MAP2K6: variants seen among roughly 807,000 people sequenced by gnomAD.
MAP2K6 encodes the protein mitogen-activated protein kinase kinase 6.
Under a neutral mutation model 53.7 loss-of-function variants are expected in MAP2K6, and 16 were observed. That is an observed-to-expected ratio of 0.30 (90% CI 0.20 to 0.45). The LOEUF (loss-of-function observed/expected upper bound fraction) is 0.45, where lower values mean the gene tolerates loss of function less well. Among genes scored for constraint, MAP2K6 ranks in the 20% least tolerant of loss-of-function variants. MAP2K6 has a pLI of 1.00. For synonymous variants in MAP2K6, 132 were observed against 143.1 expected (o/e 0.92, Z 0.55); for missense variants, 204 against 411.9 (o/e 0.50, Z 4.37).
chr17:69,541,944 T>C lies in MAP2K6; in HGVS notation c.*191T>C. 2.4e-6 allele frequency: 1 copy of C among 414,526 alleles called. No homozygotes were observed. Among genetic ancestry groups the C allele is most frequent in the Non-Finnish European group, 4.6e-6 (1 of 218,954 alleles). The allele number at this position is 414,526 out of a possible 1,614,324, so 25.7% of individuals were successfully genotyped here. ...TTGGAATCTATAGTATAGAATGAACTGTCTAGATGGATGAATTATGATAAA... is the reference window on the plus strand; with the variant it reads ...TTGGAATCTATAGTATAGAATGAACCGTCTAGATGGATGAATTATGATAAA... On this transcript the variant is annotated 3_prime_UTR_variant, in exon 12 of 12. Coordinates refer to ENST00000590474, the MANE Select transcript of MAP2K6 (RefSeq NM_002758.4).
At position 69,523,617 on chromosome 17, in the gene MAP2K6, T is replaced by A; in HGVS notation, c.639T>A (p.Asp213Glu). ...TGGACTCTGTTGCTAAAACAATTGA[T>A]GCAGGTTGCAAACCATACATGGCCG... is the stretch of plus-strand genomic sequence containing the variant. ...YLVDSVAKTI[D>E]AGCKPYMAPE... The change falls in exon 8 of 12, where the codon GAT becomes GAA. Residue 213 changes from aspartate to glutamate, a missense_variant. This residue lies in a region of MAP2K6 where 28 missense variants were observed against 102.5 expected (regional missense o/e 0.27). Transcript: ENST00000590474. 6.2e-7 allele frequency: 1 copy of A among 1,614,108 alleles called. No homozygotes were observed. The highest frequency in any genetic ancestry group is 8.5e-7 in the Non-Finnish European group (1 of 1,179,968).
intron 11 of MAP2K6, among the ~76,000 whole-genome samples, chr17:69,536,938 C>T (rs760023907): frequency 2.2e-4 from 34 of 151,930 alleles, no homozygotes; most frequent in Non-Finnish European, 4.3e-4. Context: ...AAAAATTAGC[C>T]GGGCATGGTG....
chr17:69,541,146 C>T (rs1911601768), intron 11 of MAP2K6, among the ~76,000 whole-genome samples: 1 of 152,102 alleles, frequency 6.6e-6, no homozygotes, highest in Admixed American at 6.6e-5. Flanking sequence ...ACCTGTAATC[C>T]CAGCTACTCG....
At position 69,550,537 on chromosome 17, in the gene MAP2K6, C is replaced by T. The variant is rs1010852876; in HGVS notation, c.*8784C>T. 6.6e-6 allele frequency: 1 copy of T among 152,174 alleles called. No homozygotes were observed. Among genetic ancestry groups the T allele is most frequent in the Non-Finnish European group, 1.5e-5 (1 of 68,036 alleles). The allele number at this position is 152,174 out of a possible 1,614,324, so 9.4% of individuals were successfully genotyped here. A position where few individuals can be genotyped will look rare whatever the true frequency, so the allele number is the denominator to read the frequency against. ...GAAAGCTAGTTTGAAGTTTCAGAAG[C>T]CATGAATTATGGGGAAGGAGTAGTT... is the stretch of plus-strand genomic sequence containing the variant. On this transcript the variant is annotated 3_prime_UTR_variant, in exon 12 of 12. Transcript: ENST00000590474.
Position 69,445,725 on chromosome 17 carries a change from C to T in MAP2K6, c.16+30725C>T, listed in dbSNP as rs573860621. 2.0e-5 allele frequency among the ~76,000 whole-genome samples: 3 copies of T among 152,048 alleles called. No homozygotes were observed. In the South Asian group the frequency reaches 6.2e-4, roughly 32 times the overall value. ...CTCTTTGGGTAACAATGAATTGTTT[C>T]TAAAGCCTGCGTCATTAAGAATACT... On this transcript the variant is annotated intron_variant, in intron 1 of 11. Coordinates refer to ENST00000590474, the MANE Select transcript of MAP2K6 (RefSeq NM_002758.4).
intron 1 of MAP2K6, among the ~76,000 whole-genome samples, chr17:69,469,652 A>G (rs1598277497): frequency 6.6e-6 from 1 of 151,996 alleles, no homozygotes; most frequent in African/African-American, 2.4e-5. Context: ...AATCCCAGCT[A>G]TTTGGGAGGC....
At chr17:69,526,961 G>T (rs958974867) in intron 10 of MAP2K6, among the ~76,000 whole-genome samples, 2 of 152,162 alleles carry the variant, frequency 1.3e-5, no homozygotes, top group South Asian at 2.1e-4. Context: ...AGAGATAGGG[G>T]CATAGGCGAT....
chr17:69,414,958 C>T lies in MAP2K6; in HGVS notation c.-27C>T, dbSNP rs571036995. On this transcript the variant is annotated 5_prime_UTR_variant, in exon 1 of 12. Transcript: ENST00000590474. ...AAGCAAGGCAAAGTCTTTTGTGCTC[C>T]CCTCCCCCATCAAAGGAAAGGGGAA... 1.0e-5 allele frequency: 16 copies of T among 1,544,016 alleles called. No homozygotes were observed. Among genetic ancestry groups the T allele is most frequent in the Middle Eastern group, 3.4e-4 (2 of 5,964 alleles).
At chr17:69,536,304 A>G in intron 11 of MAP2K6, 144 bp downstream of exon 11, 1 of 660,976 alleles carries the variant, frequency 1.5e-6, no homozygotes, top group South Asian at 1.8e-5. Context: ...TCCAGGAAAG[A>G]GAGTTAAAGA....
intron 1 of MAP2K6, among the ~76,000 whole-genome samples, chr17:69,451,176 A>G (rs1907212916): frequency 6.6e-6 from 1 of 152,234 alleles, no homozygotes; most frequent in African/African-American, 2.4e-5. Context: ...AGGGGCTATC[A>G]GTGGTGTGCT....
Position 69,553,771 on chromosome 17 carries a change from A to G in MAP2K6, c.*12018A>G, listed in dbSNP as rs1912189761. On this transcript the variant is annotated 3_prime_UTR_variant, in exon 12 of 12. Coordinates refer to ENST00000590474, the MANE Select transcript of MAP2K6 (RefSeq NM_002758.4). ...GGCTTTCATAGCTGGGACAAGTAAC[A>G]TTAAGTATTCAGGAGCAAAGTGTTC... 3.3e-5 allele frequency: 5 copies of G among 152,250 alleles called. No homozygotes were observed. Among genetic ancestry groups the G allele is most frequent in the Admixed American group, 3.3e-4 (5 of 15,280 alleles). 9.4% of individuals were successfully genotyped at this position (152,250 alleles called of 1,614,324 possible). A position where few individuals can be genotyped will look rare whatever the true frequency, so the allele number is the denominator to read the frequency against.
chr17:69,452,522 CAT>C (rs1399413727), intron 1 of MAP2K6, among the ~76,000 whole-genome samples: 1 of 152,168 alleles, frequency 6.6e-6, no homozygotes, highest in Non-Finnish European at 1.5e-5. Context: ...CTACCTGCCT[CAT>C]AGGAAAATTT....
Position 69,544,076 on chromosome 17 carries a change from T to C in MAP2K6, c.*2323T>C, listed in dbSNP as rs1911780675. 6.6e-6 allele frequency: 1 copy of C among 152,220 alleles called. No homozygotes were observed. Among genetic ancestry groups the C allele is most frequent in the Non-Finnish European group, 1.5e-5 (1 of 68,046 alleles). 9.4% of individuals were successfully genotyped at this position (152,220 alleles called of 1,614,324 possible). A position where few individuals can be genotyped will look rare whatever the true frequency, so the allele number is the denominator to read the frequency against. On this transcript the variant is annotated 3_prime_UTR_variant, in exon 12 of 12. Transcript: ENST00000590474. Reference sequence around the variant, plus strand: ...GATGTGAAGCTGGGTTCAGAACACTTATCTAGTACCTTCTAAAGAGAACTG... The same window carrying C: ...GATGTGAAGCTGGGTTCAGAACACTCATCTAGTACCTTCTAAAGAGAACTG...
chr17:69,528,745 G>A (rs964811256), intron 10 of MAP2K6, among the ~76,000 whole-genome samples: 1 of 151,086 alleles, frequency 6.6e-6, no homozygotes, highest in Non-Finnish European at 1.5e-5. Flanking sequence ...TGTAGTCCCA[G>A]CTACTCGGGA....
At chr17:69,539,750 C>G (rs1911522720) in intron 11 of MAP2K6, among the ~76,000 whole-genome samples, 1 of 152,144 alleles carries the variant, frequency 6.6e-6, no homozygotes, top group Non-Finnish European at 1.5e-5. Flanking sequence ...CCAAGATAAT[C>G]TGAGGTTTGG....
At chr17:69,479,936 A>G (rs1412805662) in intron 1 of MAP2K6, among the ~76,000 whole-genome samples, 1 of 151,972 alleles carries the variant, frequency 6.6e-6, no homozygotes, top group Non-Finnish European at 1.5e-5. Context: ...GGATTTCACC[A>G]TGTTGGCCAA....
chr17:69,436,087 G>A (rs1229305245), intron 1 of MAP2K6, among the ~76,000 whole-genome samples: 1 of 151,696 alleles, frequency 6.6e-6, no homozygotes, highest in Non-Finnish European at 1.5e-5. Context: ...TTTAAAAGAA[G>A]TGAACAGCTG....
intron 1 of MAP2K6, among the ~76,000 whole-genome samples, chr17:69,455,098 G>T (rs1309433242): frequency 6.6e-6 from 1 of 151,632 alleles, no homozygotes; most frequent in Admixed American, 6.6e-5. Flanking sequence ...TTTCCAGCTA[G>T]GAGCAAACTA....
intron 1 of MAP2K6, among the ~76,000 whole-genome samples, chr17:69,463,629 C>G (rs868152243): frequency 1.5e-4 from 22 of 151,068 alleles, no homozygotes; most frequent in South Asian, 6.2e-4. Flanking sequence ...TATATATACA[C>G]ACACACATAT....
Sources: gnomAD v4.1 joint callset for allele counts (sites outside exome capture counted in the v4.1 genomes callset) on GRCh38, gnomAD v4.1.1 for gene constraint, gnomAD v4.1.1 regional missense constraint, MANE v1.5 for transcripts, NCBI Gene and HGNC (gene_info 2026-07-23, HGNC 2026-07-21) for gene names.